Variants in SLC26A7 observed in about 807,000 individuals in gnomAD.
The protein encoded by SLC26A7 is anion exchange transporter.
SLC26A7 carries 59 observed loss-of-function variants against 82.5 expected under a neutral mutation model. The ratio of observed to expected loss-of-function variants is 0.72; its 90% CI spans 0.58 to 0.89. The LOEUF is 0.89. SLC26A7 is among the 40% of genes least tolerant of loss of function. The probability of loss-of-function intolerance (pLI) is 0.00; values close to 1 mark genes in which losing one functional copy is unlikely to be tolerated. For missense variants in SLC26A7, 820 were observed against 793.0 expected (o/e 1.03, Z -0.41); for synonymous variants, 271 against 274.3 (o/e 0.99, Z 0.12).
chr8:91,333,380 C>A (rs1366849227), intron 5 of SLC26A7, among the ~76,000 whole-genome samples: 1 of 152,172 alleles, frequency 6.6e-6, no homozygotes, highest in African/African-American at 2.4e-5. Context: ...TCAAGCAGGG[C>A]TGCACACTTT....
intron 2 of SLC26A7, among the ~76,000 whole-genome samples, chr8:91,270,764 A>T (rs967207870): frequency 6.6e-6 from 1 of 152,224 alleles, no homozygotes; most frequent in Non-Finnish European, 1.5e-5. Context: ...TTCCTTGGTC[A>T]AATAAATTGT....
chr8:91,266,544 A>G (rs1338269750), intron 2 of SLC26A7, among the ~76,000 whole-genome samples: 1 of 151,828 alleles, frequency 6.6e-6, no homozygotes, highest in Non-Finnish European at 1.5e-5. Context: ...ATTCATTTGT[A>G]GCATATAAAA....
chr8:91,284,265 A>C (rs575856913), intron 2 of SLC26A7, among the ~76,000 whole-genome samples: 2 of 152,290 alleles, frequency 1.3e-5, no homozygotes, highest in African/African-American at 4.8e-5. Context: ...CTTATTCCCC[A>C]AAAATGTGGT....
intron 18 of SLC26A7, 30 bp downstream of exon 18, chr8:91,394,069 T>C (rs765789822): frequency 1.3e-6 from 2 of 1,599,384 alleles, no homozygotes; most frequent in South Asian, 1.1e-5. Context: ...CTGAAGGAGT[T>C]ATAAGAATAT....
intron 6 of SLC26A7, among the ~76,000 whole-genome samples, chr8:91,337,230 A>G (rs904520685): frequency 6.6e-6 from 1 of 152,182 alleles, no homozygotes; most frequent in African/African-American, 2.4e-5. Flanking sequence ...AAAAAAACCT[A>G]TACAATTATA....
intron 4 of SLC26A7, among the ~76,000 whole-genome samples, chr8:91,316,988 T>TAAAAAAAAAAAAAAAAAAAA (rs61581659): frequency 6.5e-5 from 1 of 15,502 alleles, no homozygotes; most frequent in African/African-American, 1.5e-4. Context: ...ACCCTGTCTC[T>TAAAAAAAAAAAAAAAAAAAA]AAAAAAAAAA....
rs527898941 is a variant in SLC26A7 at position 91,260,305 on chromosome 8, C to T, written c.193+10461C>T. On this transcript the variant is annotated intron_variant, in intron 2 of 18. Transcript: ENST00000276609. ...ATCAGATCTTGTGAGAACTCACTCA[C>T]TATCACGAGAACGTCATGGGACAAA... is the stretch of plus-strand genomic sequence containing the variant. Among the ~76,000 whole-genome samples, 3 of 152,252 alleles carry T rather than the reference C, an allele frequency of 2.0e-5. 1 individual carries two copies. The South Asian group carries it at 6.2e-4, about 32-fold the overall frequency.
intron 2 of SLC26A7, among the ~76,000 whole-genome samples, chr8:91,238,151 A>C (rs141488798): frequency 3.0e-4 from 45 of 152,314 alleles, no homozygotes; most frequent in African/African-American, 1.1e-3. Flanking sequence ...TTATAAACAA[A>C]AGTAAAAGGA....
rs1370084332 is a variant in SLC26A7 at position 91,289,177 on chromosome 8, G to T, written c.235G>T (p.Gly79Cys). 1 of 1,613,964 alleles carries T rather than the reference G, an allele frequency of 6.2e-7. No homozygotes were observed. The highest frequency in any genetic ancestry group is 1.3e-5 in the African/African-American group (1 of 75,012). The change falls in exon 3 of 19, where the codon GGT becomes TGT. Residue 79 changes from glycine (G) to cysteine (C), a missense_variant. Gly to Cys is a radical substitution (Grantham distance 159). Transcript: ENST00000276609. The stretch of plus-strand genomic sequence containing the variant: ...TCTCTCATCTGTGCACCCAGTGTTT[G>T]GTTTATATGGGTCTCTGTTTCCTGC... ...AVLSSVHPVF[G>C]LYGSLFPAII...
At chr8:91,307,826 A>T (rs1327129899) in intron 4 of SLC26A7, among the ~76,000 whole-genome samples, 2 of 145,952 alleles carry the variant, frequency 1.4e-5, no homozygotes, top group African/African-American at 5.1e-5. Context: ...TAAAAAAAAT[A>T]AATTTCTTAA....
chr8:91,295,774 T>G (rs1812000969), intron 4 of SLC26A7, 71 bp downstream of exon 4: 1 of 1,466,668 alleles, frequency 6.8e-7, no homozygotes, highest in Non-Finnish European at 9.2e-7. Flanking sequence ...GGTGTTTTAT[T>G]TTTATTCTTG....
At chr8:91,243,932 G>A (rs1359207846) in intron 2 of SLC26A7, among the ~76,000 whole-genome samples, 3 of 151,730 alleles carry the variant, frequency 2.0e-5, no homozygotes, top group Non-Finnish European at 4.4e-5. Context: ...AAAGTAAAAA[G>A]ATGAAAATAT....
chr8:91,292,479 T>C (rs2130771480), intron 3 of SLC26A7, among the ~76,000 whole-genome samples: 1 of 152,308 alleles, frequency 6.6e-6, no homozygotes, highest in African/African-American at 2.4e-5. Flanking sequence ...AATAATTTAA[T>C]TTTGATGCAT....
chr8:91,395,041 C>T (rs1808531235), intron 18 of SLC26A7, 21 bp from the exon 19 acceptor site: 1 of 1,612,430 alleles, frequency 6.2e-7, no homozygotes, highest in East Asian at 2.2e-5. Flanking sequence ...CACATACTTA[C>T]TTCTTCCTCT....
At chr8:91,347,363 G>A (rs1383339690) in intron 9 of SLC26A7, among the ~76,000 whole-genome samples, 1 of 152,150 alleles carries the variant, frequency 6.6e-6, no homozygotes, top group Admixed American at 6.5e-5. Context: ...TTTTCCAGTA[G>A]CCACATTTTT....
intron 2 of SLC26A7, among the ~76,000 whole-genome samples, chr8:91,236,284 C>G (rs1380842042): frequency 6.6e-6 from 1 of 152,152 alleles, no homozygotes; most frequent in Non-Finnish European, 1.5e-5. Flanking sequence ...GTATTTCCAG[C>G]TTTGTTCACT....
intron 15 of SLC26A7, among the ~76,000 whole-genome samples, chr8:91,385,058 A>G (rs1393788278): frequency 1.3e-5 from 2 of 152,198 alleles, no homozygotes; most frequent in Non-Finnish European, 2.9e-5. Context: ...AAGTTAATGA[A>G]TATTCCACAG....
chr8:91,223,416 T>A (rs935827499), intron 2 of SLC26A7, among the ~76,000 whole-genome samples: 28 of 152,196 alleles, frequency 1.8e-4, no homozygotes, highest in Admixed American at 1.8e-3. Flanking sequence ...CTTTTACTTG[T>A]GATGTTAGGA....
chr8:91,276,161 C>T (rs891898750), intron 2 of SLC26A7, among the ~76,000 whole-genome samples: 4 of 151,980 alleles, frequency 2.6e-5, no homozygotes, highest in African/African-American at 9.7e-5. Context: ...CAAGGGATTA[C>T]TTCTTTTTTT....
Sources: gnomAD v4.1 joint callset for allele counts (sites outside exome capture counted in the v4.1 genomes callset) on GRCh38, gnomAD v4.1.1 for gene constraint, MANE v1.5 for transcripts, NCBI Gene and HGNC (gene_info 2026-07-23, HGNC 2026-07-21) for gene names.